Variants in COL19A1 observed in about 807,000 individuals in gnomAD.
The protein encoded by COL19A1 is collagen alpha-1(XIX) chain.
Under a neutral mutation model 190.2 loss-of-function variants are expected in COL19A1, and 159 were observed. The ratio of observed to expected loss-of-function variants is 0.84; its 90% CI spans 0.73 to 0.95. COL19A1 has a LOEUF of 0.95. Among genes scored for constraint, COL19A1 ranks in the 40% least tolerant of loss-of-function variants. COL19A1 has a pLI of 0.00. For missense variants in COL19A1, 1,418 were observed against 1,431.9 expected (o/e 0.99, Z 0.16); for synonymous variants, 509 against 458.9 (o/e 1.11, Z -1.39).
intron 4 of COL19A1, among the ~76,000 whole-genome samples, chr6:69,923,915 T>C (rs1026071139): frequency 2.7e-4 from 41 of 152,200 alleles, no homozygotes; most frequent in Non-Finnish European, 2.9e-5. Context: ...AATCATTAGT[T>C]GACTACTAAG....
chr6:70,017,050 T>C (rs1459142627), intron 11 of COL19A1, among the ~76,000 whole-genome samples: 1 of 152,122 alleles, frequency 6.6e-6, no homozygotes, highest in Non-Finnish European at 1.5e-5. Flanking sequence ...AAAAAGATGT[T>C]TATTTTATTG....
chr6:69,922,481 T>G (rs1772045108), intron 4 of COL19A1, among the ~76,000 whole-genome samples: 1 of 143,808 alleles, frequency 7.0e-6, no homozygotes, highest in East Asian at 2.0e-4. Flanking sequence ...ATTTAGGTTT[T>G]TTTTTTTTTT....
chr6:69,911,517 G>A (rs1770914141), intron 4 of COL19A1, among the ~76,000 whole-genome samples: 1 of 152,174 alleles, frequency 6.6e-6, no homozygotes, highest in Non-Finnish European at 1.5e-5. Flanking sequence ...TAAGTTCAGT[G>A]AAAATGTTAA....
chr6:70,092,625 C>T (rs2150177083), intron 15 of COL19A1, among the ~76,000 whole-genome samples: 1 of 152,160 alleles, frequency 6.6e-6, no homozygotes, highest in Admixed American at 6.5e-5. Context: ...ATTGGGTGAC[C>T]TTTATAGTTC....
intron 24 of COL19A1, 49 bp from the exon 25 acceptor site, chr6:70,144,869 C>T: frequency 8.3e-7 from 1 of 1,209,336 alleles, no homozygotes; most frequent in South Asian, 1.3e-5. Context: ...CCTCACTTCC[C>T]ACCATGAACC....
intron 5 of COL19A1, among the ~76,000 whole-genome samples, chr6:69,928,890 A>T (rs933350017): frequency 1.3e-5 from 2 of 152,164 alleles, no homozygotes; most frequent in East Asian, 3.8e-4. Context: ...CTACAATTTT[A>T]TGATGAGTAG....
intron 1 of COL19A1, among the ~76,000 whole-genome samples, chr6:69,870,902 G>A (rs905318428): frequency 6.6e-6 from 1 of 152,166 alleles, no homozygotes; most frequent in Non-Finnish European, 1.5e-5. Context: ...GATAGACTTT[G>A]ACAGAGATTT....
chr6:70,098,612 G>A (rs941861), intron 15 of COL19A1: 3 of 404,212 alleles, frequency 7.4e-6, no homozygotes, highest in Non-Finnish European at 1.4e-5. Context: ...GCAGGCCTTA[G>A]AGCCACAGTG....
At chr6:69,989,536 A>G (rs1776497947) in intron 11 of COL19A1, among the ~76,000 whole-genome samples, 1 of 149,536 alleles carries the variant, frequency 6.7e-6, no homozygotes. Flanking sequence ...GTAAACTAAC[A>G]TAATGAGAGT....
At chr6:70,041,290 A>G (rs1384038900) in intron 14 of COL19A1, among the ~76,000 whole-genome samples, 2 of 152,218 alleles carry the variant, frequency 1.3e-5, no homozygotes, top group East Asian at 1.9e-4. Flanking sequence ...TGTTAACACA[A>G]TAAGCCATTA....
chr6:70,203,525 G>A (rs1012183898), intron 49 of COL19A1, among the ~76,000 whole-genome samples: 10 of 152,098 alleles, frequency 6.6e-5, no homozygotes, highest in African/African-American at 2.4e-4. Context: ...GAACCAGGGA[G>A]GCTAAACAAC....
chr6:70,147,777 C>A (rs1442569226), intron 27 of COL19A1, among the ~76,000 whole-genome samples: 2 of 152,084 alleles, frequency 1.3e-5, no homozygotes, highest in African/African-American at 4.8e-5. Context: ...GGCTCAGTCC[C>A]ACAAAACTGA....
At chr6:70,048,148 C>T (rs1039443269) in intron 14 of COL19A1, among the ~76,000 whole-genome samples, 21 of 152,066 alleles carry the variant, frequency 1.4e-4, no homozygotes, top group Admixed American at 1.2e-3. Context: ...TGAGAAATTA[C>T]GCACAGAGAG....
intron 11 of COL19A1, among the ~76,000 whole-genome samples, chr6:69,977,958 C>T (rs1050000402): frequency 6.6e-6 from 1 of 152,082 alleles, no homozygotes; most frequent in Non-Finnish European, 1.5e-5. Flanking sequence ...AAAAATTTTA[C>T]TGATCTAAAT....
At chr6:69,917,696 T>TG (rs1350986114) in intron 4 of COL19A1, among the ~76,000 whole-genome samples, 1 of 152,126 alleles carries the variant, frequency 6.6e-6, no homozygotes, top group Non-Finnish European at 1.5e-5. Context: ...AGCTGAGACC[T>TG]GAACAGTAAG....
In COL19A1 at chr6:70,078,582, C is replaced by A. The variant is rs537008349; in HGVS notation, c.1224+10106C>A. 3.8e-4 allele frequency among the ~76,000 whole-genome samples: 58 copies of A among 152,164 alleles called. 1 individual carries two copies. The South Asian group carries it at 0.011, about 29-fold the overall frequency. ...AGGTAGATCCTGTAGACTAAGGTAA[C>A]CCTCCAGGAATGGGTGTAGATAGAA... On this transcript the variant is annotated intron_variant, in intron 15 of 50. Coordinates refer to ENST00000620364, the MANE Select transcript of COL19A1 (RefSeq NM_001858.6).
intron 11 of COL19A1, among the ~76,000 whole-genome samples, chr6:69,993,024 T>A (rs530546912): frequency 6.6e-6 from 1 of 152,276 alleles, no homozygotes; most frequent in African/African-American, 2.4e-5. Flanking sequence ...GCCATCCTTG[T>A]CTTGTTCCAG....
chr6:70,021,559 T>G (rs779070263), intron 11 of COL19A1, among the ~76,000 whole-genome samples: 3 of 152,212 alleles, frequency 2.0e-5, no homozygotes, highest in Non-Finnish European at 4.4e-5. Context: ...ATTAACACTT[T>G]ATTGTTTCTG....
At chr6:70,096,734 T>G (rs565743169) in intron 15 of COL19A1, among the ~76,000 whole-genome samples, 1 of 152,152 alleles carries the variant, frequency 6.6e-6, no homozygotes, top group African/African-American at 2.4e-5. Context: ...TGCCTGACTT[T>G]AAATATGAAA....
Sources: allele counts gnomAD v4.1 joint callset (sites outside exome capture counted in the v4.1 genomes callset), GRCh38; gene constraint gnomAD v4.1.1; transcripts MANE v1.5; gene names NCBI Gene and HGNC (gene_info 2026-07-23, HGNC 2026-07-21).